Variants in MLC1 observed in about 807,000 individuals in gnomAD.
MLC1 encodes the protein membrane protein MLC1.
A neutral mutation model predicts 44.7 loss-of-function variants in MLC1; 32 were observed. That is an observed-to-expected ratio of 0.72 (90% confidence interval 0.54 to 0.96). The LOEUF (loss-of-function observed/expected upper bound fraction) is 0.96, where lower values mean the gene tolerates loss of function less well. Among genes scored for constraint, MLC1 ranks in the 40% least tolerant of loss-of-function variants. MLC1 has a pLI of 0.00. For missense variants in MLC1, 459 were observed against 492.2 expected (o/e 0.93, Z 0.64); for synonymous variants, 190 against 213.0 (o/e 0.89, Z 0.94).
At chr22:50,066,736 T>C (rs1420266377) in intron 10 of MLC1, among the ~76,000 whole-genome samples, 4 of 152,074 alleles carry the variant, frequency 2.6e-5, no homozygotes, top group South Asian at 2.1e-4. Flanking sequence ...AAAAAAATTA[T>C]CATCTGGTTG....
intron 10 of MLC1, among the ~76,000 whole-genome samples, chr22:50,066,908 C>A (rs977965617): frequency 8.0e-6 from 1 of 124,872 alleles, no homozygotes; most frequent in Non-Finnish European, 1.8e-5. Flanking sequence ...AACCAGAGGC[C>A]ATTAAACTTA....
intron 3 of MLC1, among the ~76,000 whole-genome samples, chr22:50,082,674 G>C (rs1292041596): frequency 6.6e-6 from 1 of 152,132 alleles, no homozygotes; most frequent in African/African-American, 2.4e-5. Context: ...TCTTGTTGTT[G>C]TTGTTTTGAG....
Position 50,070,397 on chromosome 22 carries a change from C to G in MLC1, c.771+130G>C. ...CCACAACCCCACCTTCCTCATTGTG[C>G]AGGCCCTGCAGCCCAGTCACTGCGC... On this transcript the variant is annotated intron_variant, in intron 9 of 11. Transcript: ENST00000311597. 3 of 910,866 alleles carry G rather than the reference C, an allele frequency of 3.3e-6. No homozygotes were observed. The South Asian group carries it at 4.2e-5, about 13-fold the overall frequency. 56.4% of individuals were successfully genotyped at this position (910,866 alleles called of 1,614,324 possible). A position where few individuals can be genotyped will look rare whatever the true frequency, so the allele number is the denominator to read the frequency against.
chr22:50,076,784 C>G, intron 7 of MLC1, 57 bp downstream of exon 7: 2 of 1,571,050 alleles, frequency 1.3e-6, no homozygotes, highest in East Asian at 2.2e-5. Flanking sequence ...TTTAATCCAG[C>G]CTCAGTCACC....
intron 8 of MLC1, among the ~76,000 whole-genome samples, chr22:50,072,521 AG>A (rs548903382): frequency 1.3e-4 from 20 of 152,116 alleles, no homozygotes; most frequent in East Asian, 5.8e-4. Flanking sequence ...CCTGATGGGC[AG>A]GGGGTGCTCT....
intron 8 of MLC1, among the ~76,000 whole-genome samples, chr22:50,073,955 A>G (rs2061919510): frequency 6.6e-6 from 1 of 152,226 alleles, no homozygotes; most frequent in Non-Finnish European, 1.5e-5. Flanking sequence ...CATATGTTAA[A>G]AAGATTAGAA....
At chr22:50,065,475 C>T (rs1009450662) in intron 10 of MLC1, among the ~76,000 whole-genome samples, 1 of 152,142 alleles carries the variant, frequency 6.6e-6, no homozygotes, top group Non-Finnish European at 1.5e-5. Flanking sequence ...AAGAAATAGC[C>T]GCCAGGCTGA....
In MLC1 at chr22:50,059,551, T is replaced by C. The variant is rs889146475; in HGVS notation, c.*2032A>G. On this transcript the variant is annotated 3_prime_UTR_variant, in exon 12 of 12. Transcript: ENST00000311597. ...CAAAAACGCTCCAAGTGCCTAATTC[T>C]GACTCTGAAACTTGAGCTCTCTGGT... 1 of 152,382 alleles carries C rather than the reference T, an allele frequency of 6.6e-6. No homozygotes were observed. The highest frequency in any genetic ancestry group is 6.5e-5 in the Admixed American group (1 of 15,292). 9.4% of individuals were successfully genotyped at this position (152,382 alleles called of 1,614,324 possible).
intron 8 of MLC1, among the ~76,000 whole-genome samples, chr22:50,073,747 TAAATA>T (rs1228823425): frequency 1.3e-5 from 2 of 151,834 alleles, no homozygotes; most frequent in Non-Finnish European, 2.9e-5. Flanking sequence ...AAAAAATAAA[TAAATA>T]AAATAAATAA....
chr22:50,061,476 C>T lies in MLC1; in HGVS notation c.*107G>A. The T allele has an allele frequency of 2.4e-6, 3 of 1,258,884 alleles. No homozygotes were observed. The highest frequency in any genetic ancestry group is 3.5e-6 in the Non-Finnish European group (3 of 868,600). 78.0% of individuals were successfully genotyped at this position (1,258,884 alleles called of 1,614,324 possible). ...ACCTGCAGCCTGGTTTGCCCTCACA[C>T]AAGGGAAAAGAGGTGTTAGAAGCAG... is the stretch of plus-strand genomic sequence containing the variant. On this transcript the variant is annotated 3_prime_UTR_variant, in exon 12 of 12. Transcript: ENST00000311597.
chr22:50,068,665 T>C lies in MLC1; in HGVS notation c.772-110A>G, dbSNP rs111258391. ...CATGGCCGGGCACTCATGGGCATAGTCCCAAGCTGGTTCCCTGCATGACTC... is the reference window on the plus strand; with the variant it reads ...CATGGCCGGGCACTCATGGGCATAGCCCCAAGCTGGTTCCCTGCATGACTC... On this transcript the variant is annotated intron_variant, in intron 9 of 11. Coordinates refer to ENST00000311597, the MANE Select transcript of MLC1 (RefSeq NM_015166.4). 134,781 of 1,184,610 alleles carry C rather than the reference T, an allele frequency of 0.11. 23,124 individuals are homozygous for C. Among genetic ancestry groups the C allele is most frequent in the South Asian group, 0.21 (17,216 of 81,458 alleles). The allele number at this position is 1,184,610 out of a possible 1,614,324, so 73.4% of individuals were successfully genotyped here. A position where few individuals can be genotyped will look rare whatever the true frequency, so the allele number is the denominator to read the frequency against.
intron 10 of MLC1, among the ~76,000 whole-genome samples, chr22:50,065,765 G>A (rs550101048): frequency 3.5e-4 from 53 of 152,316 alleles, no homozygotes; most frequent in Non-Finnish European, 1.0e-4. Context: ...TGAGGAGGTC[G>A]CCGAGATTTA....
At position 50,083,548 on chromosome 22, in the gene MLC1, C is replaced by T. The variant is rs1017933843; in HGVS notation, c.178-375G>A. ...CAGATCCCACACCCAGGTCCAGACA[C>T]GAGACTGGAAAACAACTGCCCATCC... On this transcript the variant is annotated intron_variant, in intron 2 of 11. Coordinates refer to ENST00000311597, the MANE Select transcript of MLC1 (RefSeq NM_015166.4). This position sits in a 1 kb window ranked among gnomAD's most constrained non-coding sequence, Gnocchi z 4.6. Among the ~76,000 whole-genome samples, 2 of 152,208 alleles carry T rather than the reference C, an allele frequency of 1.3e-5. No individual in the cohort carries two copies. The highest frequency in any genetic ancestry group is 2.4e-5 in the African/African-American group (1 of 41,452).
At position 50,060,697 on chromosome 22, in the gene MLC1, AGCAGCGGCCAC is replaced by A. The variant is rs2061543465; in HGVS notation, c.*875_*885del. 6.6e-6 allele frequency: 1 copy of A among 152,270 alleles called. No homozygotes were observed. The highest frequency in any genetic ancestry group is 1.5e-5 in the Non-Finnish European group (1 of 68,140). 9.4% of individuals were successfully genotyped at this position (152,270 alleles called of 1,614,324 possible). On this transcript the variant is annotated 3_prime_UTR_variant, in exon 12 of 12. Transcript: ENST00000311597. Reference sequence around the variant, plus strand: ...CACCCCCAAGAACACTGCCTGTCACAGCAGCGGCCACGTGGCACTCCAAGCTGGGCATGACA... The same window carrying A: ...CACCCCCAAGAACACTGCCTGTCACAGTGGCACTCCAAGCTGGGCATGACA...
At chr22:50,073,094 C>G (rs540910564) in intron 8 of MLC1, among the ~76,000 whole-genome samples, 16 of 151,524 alleles carry the variant, frequency 1.1e-4, no homozygotes, top group Non-Finnish European at 2.1e-4. Context: ...CCCGGCCATA[C>G]CATTCCCGGG....
chr22:50,083,308 T>G lies in MLC1; in HGVS notation c.178-135A>C. Reference sequence around the variant, plus strand: ...CCCCAGCATCAACCACACCCGCACCTGGGACCCGCCCATCCTGGACTCCTC... The same window carrying G: ...CCCCAGCATCAACCACACCCGCACCGGGGACCCGCCCATCCTGGACTCCTC... On this transcript the variant is annotated intron_variant, in intron 2 of 11. Transcript: ENST00000311597. This position sits in a 1 kb window ranked among gnomAD's most constrained non-coding sequence, Gnocchi z 4.6. 1 of 790,014 alleles carries G rather than the reference T, an allele frequency of 1.3e-6. No homozygotes were observed. The highest frequency in any genetic ancestry group is 2.1e-6 in the Non-Finnish European group (1 of 466,964). The allele number at this position is 790,014 out of a possible 1,614,324, so 48.9% of individuals were successfully genotyped here.
chr22:50,065,082 G>A (rs1332164524), intron 10 of MLC1, among the ~76,000 whole-genome samples: 1 of 152,064 alleles, frequency 6.6e-6, no homozygotes, highest in Non-Finnish European at 1.5e-5. Context: ...CCGCCACCAC[G>A]CCCAGCTAAT....
intron 9 of MLC1, 77 bp from the exon 10 acceptor site, chr22:50,068,632 G>T (rs1450922400): frequency 6.8e-7 from 1 of 1,468,600 alleles, no homozygotes; most frequent in Admixed American, 1.7e-5. Context: ...CAGGGCTGGG[G>T]GGGCGGGCAT....
chr22:50,080,082 A>G, intron 4 of MLC1, 63 bp from the exon 5 acceptor site: 1 of 1,332,824 alleles, frequency 7.5e-7, no homozygotes, highest in East Asian at 2.3e-5. Context: ...GGTAACAGAT[A>G]AACCACACTT....
Sources: allele counts gnomAD v4.1 joint callset (sites outside exome capture counted in the v4.1 genomes callset), GRCh38; gene constraint gnomAD v4.1.1; non-coding constraint Gnocchi (gnomAD v3.1); transcripts MANE v1.5; gene names NCBI Gene and HGNC (gene_info 2026-07-23, HGNC 2026-07-21).